TMEM132D: variants seen among roughly 807,000 people sequenced by gnomAD.
The protein encoded by TMEM132D is transmembrane protein 132D, also known as mature OL transmembrane protein.
A neutral mutation model predicts 62.3 loss-of-function variants in TMEM132D; 21 were observed. The observed-to-expected ratio is 0.34, with a 90% CI of 0.24 to 0.49. TMEM132D has a LOEUF of 0.49. TMEM132D is among the 20% of genes least tolerant of loss of function. TMEM132D has a pLI of 0.99. For missense variants in TMEM132D, 1,346 were observed against 1,402.8 expected, an observed-to-expected ratio of 0.96 and a Z score of 0.65; for synonymous variants, 621 against 575.6, an observed-to-expected ratio of 1.08 and a Z score of -1.13.
intron 3 of TMEM132D, among the ~76,000 whole-genome samples, chr12:129,366,934 G>T (rs941867816): frequency 3.3e-5 from 5 of 152,184 alleles, no homozygotes; most frequent in Non-Finnish European, 7.3e-5. Flanking sequence ...TGCCCAGTGG[G>T]AACGCTTGCC....
intron 1 of TMEM132D, 123 bp from the exon 2 acceptor site, chr12:129,700,821 T>A (rs1881369853): frequency 8.8e-7 from 1 of 1,131,530 alleles, no homozygotes; most frequent in South Asian, 1.7e-5. Context: ...ATGCAATTCC[T>A]TATCCAAACC....
At chr12:129,337,587 C>G (rs1422681664) in intron 4 of TMEM132D, 47 bp downstream of exon 4, 3 of 1,607,912 alleles carry the variant, frequency 1.9e-6, no homozygotes. Flanking sequence ...CGGCGCCTTC[C>G]CCTCCCCCGA....
At chr12:129,810,701 T>A (rs149223370) in intron 1 of TMEM132D, among the ~76,000 whole-genome samples, 24 of 152,314 alleles carry the variant, frequency 1.6e-4, no homozygotes, top group African/African-American at 4.8e-4. Flanking sequence ...GTATCTTGAC[T>A]GAGTGGTATC....
chr12:129,654,806 A>G (rs1241179388), intron 2 of TMEM132D, among the ~76,000 whole-genome samples: 1 of 152,206 alleles, frequency 6.6e-6, no homozygotes, highest in East Asian at 1.9e-4. Flanking sequence ...ACCTAGAAAA[A>G]TTGTGTATAT....
intron 1 of TMEM132D, among the ~76,000 whole-genome samples, chr12:129,872,873 A>G (rs1472667997): frequency 6.6e-6 from 1 of 152,222 alleles, no homozygotes; most frequent in Non-Finnish European, 1.5e-5. Context: ...TGGGCAAGAG[A>G]TTGGAAATGA....
chr12:129,837,910 G>T (rs10773713), intron 1 of TMEM132D, among the ~76,000 whole-genome samples: 149,227 of 152,310 alleles, frequency 0.98, 73,188 homozygotes, highest in Middle Eastern at 1. Flanking sequence ...GAACGGCTAA[G>T]TTAATACATC....
intron 2 of TMEM132D, among the ~76,000 whole-genome samples, chr12:129,637,047 T>G (rs1483186442): frequency 6.6e-6 from 1 of 152,310 alleles, no homozygotes; most frequent in South Asian, 2.1e-4. Context: ...ATTGGAAATA[T>G]GCATGCTAAA....
At chr12:129,439,635 G>C (rs535142131) in intron 3 of TMEM132D, among the ~76,000 whole-genome samples, 1 of 152,204 alleles carries the variant, frequency 6.6e-6, no homozygotes, top group African/African-American at 2.4e-5. Flanking sequence ...TTTTAGTAGA[G>C]ACAGGGTTTC....
rs118034635 is a variant in TMEM132D at position 129,750,908 on chromosome 12, C to G, written c.80-50210G>C. Among the ~76,000 whole-genome samples the G allele has an allele frequency of 3.2e-3, 488 of 152,160 alleles. 1 individual carries two copies. Among genetic ancestry groups the G allele is most frequent in the Non-Finnish European group, 6.2e-3 (421 of 68,006 alleles). ...ATCATCACACAATGTATACATGTAT[C>G]AAAACATCATGTTGTACCCCATAAA... On this transcript the variant is annotated intron_variant, in intron 1 of 8. Transcript: ENST00000422113.
At chr12:129,249,214 A>G (rs952812529) in intron 4 of TMEM132D, among the ~76,000 whole-genome samples, 2 of 152,170 alleles carry the variant, frequency 1.3e-5, no homozygotes, top group Non-Finnish European at 2.9e-5. Flanking sequence ...TACAATATTG[A>G]ATGGGCACTG....
chr12:129,341,431 C>A (rs1481938857), intron 3 of TMEM132D, among the ~76,000 whole-genome samples: 1 of 152,168 alleles, frequency 6.6e-6, no homozygotes, highest in African/African-American at 2.4e-5. Flanking sequence ...AAGCAATGTC[C>A]AGGCATCATC....
chr12:129,768,466 T>C (rs1870627371), intron 1 of TMEM132D, among the ~76,000 whole-genome samples: 1 of 151,486 alleles, frequency 6.6e-6, no homozygotes, highest in Non-Finnish European at 1.5e-5. Flanking sequence ...GACGGTTCCT[T>C]AAAAATTTAA....
At chr12:129,708,574 A>C (rs1881558249) in intron 1 of TMEM132D, among the ~76,000 whole-genome samples, 1 of 135,870 alleles carries the variant, frequency 7.4e-6, no homozygotes. Context: ...ATGTCTCCAG[A>C]CCTTACCAAG....
chr12:129,763,507 T>C (rs1019787127), intron 1 of TMEM132D, among the ~76,000 whole-genome samples: 3 of 151,676 alleles, frequency 2.0e-5, no homozygotes, highest in Admixed American at 2.0e-4. Context: ...AATTGACTGA[T>C]ACTGAGCTAT....
chr12:129,362,172 C>G (rs981772721), intron 3 of TMEM132D, among the ~76,000 whole-genome samples: 1 of 152,244 alleles, frequency 6.6e-6, no homozygotes, highest in African/African-American at 2.4e-5. Flanking sequence ...TTCTAAAGAT[C>G]GGTTCCCAAT....
At chr12:129,709,219 A>G (rs982191055) in intron 1 of TMEM132D, among the ~76,000 whole-genome samples, 63 of 152,330 alleles carry the variant, frequency 4.1e-4, no homozygotes, top group African/African-American at 1.4e-3. Context: ...GACAATGCCT[A>G]AAAGAGGCTT....
chr12:129,309,504 G>T (rs1881921829), intron 4 of TMEM132D, among the ~76,000 whole-genome samples: 1 of 152,094 alleles, frequency 6.6e-6, no homozygotes, highest in African/African-American at 2.4e-5. Flanking sequence ...AGGAATAAAG[G>T]TATTGTAGGA....
intron 1 of TMEM132D, among the ~76,000 whole-genome samples, chr12:129,721,650 G>T (rs1181010390): frequency 6.6e-6 from 1 of 152,170 alleles, no homozygotes; most frequent in African/African-American, 2.4e-5. Flanking sequence ...ACTGCCTGCT[G>T]GGGGCTTCAA....
chr12:129,895,256 C>T (rs370522423), intron 1 of TMEM132D, among the ~76,000 whole-genome samples: 9 of 152,298 alleles, frequency 5.9e-5, no homozygotes, highest in East Asian at 3.9e-4. Context: ...CAGTAAGCAC[C>T]GAATACAGAC....
Sources: allele counts gnomAD v4.1 joint callset (sites outside exome capture counted in the v4.1 genomes callset), GRCh38; gene constraint gnomAD v4.1.1; transcripts MANE v1.5; gene names NCBI Gene and HGNC (gene_info 2026-07-23, HGNC 2026-07-21).